The following PLEKHO1 variants were observed in gnomAD, a reference collection of about 807,000 sequenced individuals.
The protein encoded by PLEKHO1 is pleckstrin homology domain containing O1.
A neutral mutation model predicts 41.4 loss-of-function variants in PLEKHO1; 22 were observed. The ratio of observed to expected loss-of-function variants is 0.53; its 90% CI spans 0.38 to 0.76. The LOEUF is 0.76. Ranked by LOEUF, PLEKHO1 falls within the 30% of genes least tolerant of loss-of-function variation. The pLI, the probability that PLEKHO1 is intolerant of heterozygous loss-of-function variation, is 0.00. For missense variants in PLEKHO1, 488 were observed against 518.3 expected (o/e 0.94, Z 0.57); for synonymous variants, 225 against 210.8 (o/e 1.07, Z -0.58).
At chr1:150,158,796 C>A in intron 5 of PLEKHO1, 23 bp from the exon 6 acceptor site, 2 of 1,530,914 alleles carry the variant, frequency 1.3e-6, no homozygotes, top group Non-Finnish European at 1.8e-6. Context: ...AGGTTCCCCA[C>A]TCATTCCCCC....
At position 150,150,099 on chromosome 1, in the gene PLEKHO1, A is replaced by G. The variant is rs2101680216; in HGVS notation, c.-159A>G. The stretch of plus-strand genomic sequence containing the variant: ...GCCTTGAGTGAAACCGGAGCTACAA[A>G]GAAGGGGAGAGTCCGGGAGCGGGAG... On this transcript the variant is annotated 5_prime_UTR_variant, in exon 1 of 6. Coordinates refer to ENST00000369124, the MANE Select transcript of PLEKHO1 (RefSeq NM_016274.6). 1 of 177,366 alleles carries G rather than the reference A, an allele frequency of 5.6e-6. No individual in the cohort carries two copies. Among genetic ancestry groups the G allele is most frequent in the Admixed American group, 6.5e-5 (1 of 15,434 alleles). 11.0% of individuals were successfully genotyped at this position (177,366 alleles called of 1,614,324 possible).
chr1:150,153,492 A>AT (rs34434130), intron 2 of PLEKHO1: 142,574 of 149,684 alleles, frequency 0.95, 68,182 homozygotes, highest in South Asian at 1. Context: ...CCTGACCAAG[A>AT]TTTTTTTTTT....
At chr1:150,156,870 C>A in intron 3 of PLEKHO1, 41 bp from the exon 4 acceptor site, 1 of 1,170,288 alleles carries the variant, frequency 8.5e-7, no homozygotes, top group Non-Finnish European at 1.3e-6. Context: ...TGAGGCACCA[C>A]CTCTAAAACC....
chr1:150,153,715 T>G (rs1328764971), intron 2 of PLEKHO1: 2 of 152,188 alleles, frequency 1.3e-5, no homozygotes, highest in African/African-American at 4.8e-5. Flanking sequence ...TGGAGCACCT[T>G]ATGATCACAG....
chr1:150,151,603 C>T (rs1023134064), intron 2 of PLEKHO1, among the ~76,000 whole-genome samples: 1 of 152,166 alleles, frequency 6.6e-6, no homozygotes, highest in Non-Finnish European at 1.5e-5. Context: ...AAGCCAGTGT[C>T]CCTAACCAGT....
chr1:150,149,895 G>C (rs1553818037), upstream of PLEKHO1: 1 of 151,392 alleles, frequency 6.6e-6, no homozygotes, highest in East Asian at 1.9e-4. Flanking sequence ...ATGGAGCTGC[G>C]GGGTGCGGAC....
chr1:150,156,855 C>G, intron 3 of PLEKHO1, 56 bp from the exon 4 acceptor site: 1 of 959,452 alleles, frequency 1.0e-6, no homozygotes, highest in Non-Finnish European at 1.7e-6. Flanking sequence ...TCTTCATTGT[C>G]AAGGTGAGGC....
chr1:150,155,105 T>G (rs1353277020), intron 2 of PLEKHO1: 1 of 152,194 alleles, frequency 6.6e-6, no homozygotes, highest in Non-Finnish European at 1.5e-5. Context: ...CGATGAGACG[T>G]TCAGCAGGAG....
chr1:150,152,699 A>AC (rs1659997070), intron 2 of PLEKHO1: 1 of 141,928 alleles, frequency 7.0e-6, no homozygotes, highest in African/African-American at 3.0e-5. Context: ...AAAAAAAAAA[A>AC]AAAAAAAAAA....
At chr1:150,156,039 C>G (rs782666141) in intron 2 of PLEKHO1, 27 bp from the exon 3 acceptor site, 20 of 1,604,634 alleles carry the variant, frequency 1.2e-5, no homozygotes, top group Non-Finnish European at 1.7e-5. Context: ...ATTTTATCCT[C>G]CTCACCTCAC....
chr1:150,157,745 G>GA (rs1326278957), intron 5 of PLEKHO1, among the ~76,000 whole-genome samples: 1 of 152,182 alleles, frequency 6.6e-6, no homozygotes, highest in Non-Finnish European at 1.5e-5. Context: ...ACAGGAAAAT[G>GA]AAAAATTAGC....
chr1:150,149,923 ACCGGGCCGGGGGAGCGGCCGCG>A lies in PLEKHO1; in HGVS notation c.-333_-312del, dbSNP rs1659797929. On this transcript the variant is annotated 5_prime_UTR_variant, in exon 1 of 6. Coordinates refer to ENST00000369124, the MANE Select transcript of PLEKHO1 (RefSeq NM_016274.6). ...GTGCGGACTGGGCCGCCCACAGCGC[ACCGGGCCGGGGGAGCGGCCGCG>A]CTGGGCCGGGCGGGCGGGTGGCGGG... 6.7e-6 allele frequency: 1 copy of A among 150,180 alleles called. No individual in the cohort carries two copies. The highest frequency in any genetic ancestry group is 1.5e-5 in the Non-Finnish European group (1 of 67,678). The allele number at this position is 150,180 out of a possible 1,614,324, so 9.3% of individuals were successfully genotyped here.
Position 150,159,312 on chromosome 1 carries a change from C to G in PLEKHO1, c.1019C>G (p.Pro340Arg), listed in dbSNP as rs1660330515. Residue 340 changes from proline to arginine, a missense_variant, in exon 6 of 6, where the codon CCT becomes CGT. Pro to Arg is a moderately radical substitution (Grantham distance 103, BLOSUM62 -2). Transcript: ENST00000369124. ...GGGAAGCGAAAGGCCAAGGACCCCC[C>G]TCGGTCTCCGCCGGATTCTGAGTCA... ...GDGKRKAKDP[P>R]RSPPDSESEQ... 1.2e-6 allele frequency: 2 copies of G among 1,614,164 alleles called. No individual in the cohort carries two copies. Among genetic ancestry groups the G allele is most frequent in the East Asian group, 4.5e-5 (2 of 44,882 alleles).
chr1:150,155,540 G>A (rs41264963), intron 2 of PLEKHO1: 2,285 of 152,498 alleles, frequency 0.015, 35 homozygotes, highest in Non-Finnish European at 0.023. Flanking sequence ...AGAGAAGGAA[G>A]CGAGGTGGGG....
At chr1:150,157,606 G>T in intron 5 of PLEKHO1, 120 bp downstream of exon 5, 1 of 660,594 alleles carries the variant, frequency 1.5e-6, no homozygotes. Context: ...GATCAAAGGC[G>T]AGGGAAGTCC....
chr1:150,150,942 C>G lies in PLEKHO1; in HGVS notation c.61C>G (p.Pro21Ala), dbSNP rs2306235. 4.1e-3 allele frequency: 6,631 copies of G among 1,614,008 alleles called. 246 individuals carry two copies. The East Asian group carries it at 0.091, about 22-fold the overall frequency. Residue 21 changes from proline to alanine, a missense_variant, in exon 2 of 6, where the codon CCG becomes GCG. Coordinates refer to ENST00000369124, the MANE Select transcript of PLEKHO1 (RefSeq NM_016274.6). Reference protein sequence around the residue: ...GPQDGNQQPAPPEKVGWVRKF... With the variant: ...GPQDGNQQPAAPEKVGWVRKF... ...TCAGGATGGAAACCAGCAGCCTGCACCGCCCGAGAAGGTCGGCTGGGTCCG... is the reference window on the plus strand; with the variant it reads ...TCAGGATGGAAACCAGCAGCCTGCAGCGCCCGAGAAGGTCGGCTGGGTCCG...
At chr1:150,152,021 C>T (rs1553819133) in intron 2 of PLEKHO1, among the ~76,000 whole-genome samples, 1 of 152,190 alleles carries the variant, frequency 6.6e-6, no homozygotes, top group Non-Finnish European at 1.5e-5. Context: ...GGGAGGTATT[C>T]TGTGTTCCCT....
chr1:150,159,315 G>T lies in PLEKHO1; in HGVS notation c.1022G>T (p.Arg341Leu). 6.2e-7 allele frequency: 1 copy of T among 1,614,172 alleles called. No individual in the cohort carries two copies. Among genetic ancestry groups the T allele is most frequent in the Non-Finnish European group, 8.5e-7 (1 of 1,180,034 alleles). Residue 341 changes from arginine (R) to leucine (L), a missense_variant, in exon 6 of 6, where the codon CGG (arginine) becomes CTG (leucine). Transcript: ENST00000369124. ...AAGCGAAAGGCCAAGGACCCCCCTC[G>T]GTCTCCGCCGGATTCTGAGTCAGAG... is the stretch of plus-strand genomic sequence containing the variant. ...DGKRKAKDPP[R>L]SPPDSESEQL...
intron 2 of PLEKHO1, among the ~76,000 whole-genome samples, chr1:150,151,929 CTG>C (rs1285883247): frequency 6.6e-6 from 1 of 152,134 alleles, no homozygotes; most frequent in Non-Finnish European, 1.5e-5. Flanking sequence ...TTCCCTGCCT[CTG>C]TGACTGTCCA....
Sources: allele counts gnomAD v4.1 joint callset (sites outside exome capture counted in the v4.1 genomes callset), GRCh38; gene constraint gnomAD v4.1.1; transcripts MANE v1.5; gene names NCBI Gene and HGNC (gene_info 2026-07-23, HGNC 2026-07-21).